RALYL: variants seen among roughly 807,000 people sequenced by gnomAD.
RALYL encodes RNA-binding Raly-like protein.
Under a neutral mutation model 35.1 loss-of-function variants are expected in RALYL, and 29 were observed. That is an observed-to-expected ratio of 0.83 (90% CI 0.61 to 1.13). RALYL has a LOEUF of 1.13. Ranked by LOEUF, RALYL falls within the 50% of genes most tolerant of loss-of-function variation. The pLI is 0.00. For missense variants in RALYL, 359 were observed against 360.4 expected (o/e 1.00, Z 0.03); for synonymous variants, 120 against 127.6 (o/e 0.94, Z 0.40).
At chr8:84,318,606 T>G (rs1232736012) in intron 1 of RALYL, among the ~76,000 whole-genome samples, 2 of 152,202 alleles carry the variant, frequency 1.3e-5, no homozygotes, top group Non-Finnish European at 2.9e-5. Flanking sequence ...TTTTTCCTTC[T>G]TGTTATTGGC....
At chr8:84,892,939 G>A (rs1451648466) in intron 8 of RALYL, among the ~76,000 whole-genome samples, 11 of 152,056 alleles carry the variant, frequency 7.2e-5, no homozygotes, top group Admixed American at 5.2e-4. Flanking sequence ...TACTATAGTC[G>A]TGTTTCTGAA....
intron 7 of RALYL, among the ~76,000 whole-genome samples, chr8:84,879,287 G>A (rs573050010): frequency 3.9e-5 from 6 of 152,140 alleles, no homozygotes; most frequent in African/African-American, 7.2e-5. Flanking sequence ...GCATAAGTAC[G>A]TAAAGAGAAG....
intron 2 of RALYL, among the ~76,000 whole-genome samples, chr8:84,640,397 T>A (rs972288938): frequency 6.6e-6 from 1 of 152,046 alleles, no homozygotes; most frequent in Non-Finnish European, 1.5e-5. Context: ...GAAGCCCATT[T>A]ACATAACCTG....
intron 1 of RALYL, among the ~76,000 whole-genome samples, chr8:84,338,867 T>C (rs1425311068): frequency 6.6e-6 from 1 of 152,134 alleles, no homozygotes; most frequent in African/African-American, 2.4e-5. Context: ...CCAAAAGAGT[T>C]TTATTTTGAT....
chr8:84,609,941 T>C (rs1817932042), intron 2 of RALYL, among the ~76,000 whole-genome samples: 1 of 152,024 alleles, frequency 6.6e-6, no homozygotes, highest in Non-Finnish European at 1.5e-5. Context: ...GCAGGGGAAC[T>C]CCTCTTTATA....
rs569347261 is a variant in RALYL, at chr8:84,546,140, A to AT, written c.256+16572dup. On this transcript the variant is annotated intron_variant, in intron 2 of 8. Coordinates refer to ENST00000521268, the MANE Select transcript of RALYL (RefSeq NM_173848.7). ...AAAGAGAGAAGAGAAAAAGATATATATTTTTTTTTGACAAGGTCTCTGTTG... is the reference window on the plus strand; with the variant it reads ...AAAGAGAGAAGAGAAAAAGATATATATTTTTTTTTTGACAAGGTCTCTGTTG... Among the ~76,000 whole-genome samples, 629 of 151,118 alleles carry AT rather than the reference A, an allele frequency of 4.2e-3. 2 individuals carry two copies. The highest frequency in any genetic ancestry group is 6.5e-3 in the Non-Finnish European group (438 of 67,648).
intron 2 of RALYL, among the ~76,000 whole-genome samples, chr8:84,560,954 C>T (rs2061433563): frequency 2.0e-5 from 3 of 152,034 alleles, no homozygotes; most frequent in African/African-American, 7.2e-5. Context: ...GATTGTGCAG[C>T]AAAGGAATCA....
At chr8:84,467,695 C>T (rs1359095940) in intron 1 of RALYL, among the ~76,000 whole-genome samples, 2 of 151,652 alleles carry the variant, frequency 1.3e-5, no homozygotes, top group African/African-American at 2.4e-5. Context: ...TCCTGGGTAT[C>T]CTTGTTGACT....
chr8:84,653,359 A>G (rs1339392687), intron 2 of RALYL, among the ~76,000 whole-genome samples: 1 of 152,058 alleles, frequency 6.6e-6, no homozygotes, highest in Non-Finnish European at 1.5e-5. Context: ...TACATGGCCC[A>G]TAGAGCTACA....
intron 1 of RALYL, among the ~76,000 whole-genome samples, chr8:84,359,685 G>A (rs1034294030): frequency 2.0e-5 from 3 of 151,866 alleles, no homozygotes; most frequent in Admixed American, 6.6e-5. Context: ...ATTAACTCCT[G>A]CAGTAACAAG....
chr8:84,204,468 T>C (rs1472942339), intron 1 of RALYL, among the ~76,000 whole-genome samples: 1 of 152,214 alleles, frequency 6.6e-6, no homozygotes, highest in Non-Finnish European at 1.5e-5. Flanking sequence ...ACTTGCATCA[T>C]AACTGTGCAT....
At position 84,436,669 on chromosome 8, in the gene RALYL, T is replaced by A. The variant is rs1287633925; in HGVS notation, c.-23-92630T>A. Among the ~76,000 whole-genome samples, 3 of 150,066 alleles carry A rather than the reference T, an allele frequency of 2.0e-5. No individual in the cohort carries two copies. In the Admixed American group the frequency reaches 2.0e-4, roughly 10 times the overall value. The stretch of plus-strand genomic sequence containing the variant: ...TTTCTAAAACAGCTTTATTGGGGTA[T>A]AATTGATATAAAAACAGCATACATA... On this transcript the variant is annotated intron_variant, in intron 1 of 8. Transcript: ENST00000521268.
chr8:84,199,694 A>G (rs1816356610), intron 1 of RALYL, among the ~76,000 whole-genome samples: 1 of 152,128 alleles, frequency 6.6e-6, no homozygotes, highest in Non-Finnish European at 1.5e-5. Flanking sequence ...ATGGTTGTCT[A>G]GTTTCATTCT....
At chr8:84,679,276 T>C (rs980224011) in intron 2 of RALYL, 7 of 219,722 alleles carry the variant, frequency 3.2e-5, no homozygotes, top group Admixed American at 3.0e-4. Flanking sequence ...ACAATTACCA[T>C]GATGCCAGTG....
chr8:84,406,628 G>A (rs77904846), intron 1 of RALYL, among the ~76,000 whole-genome samples: 24 of 151,804 alleles, frequency 1.6e-4, no homozygotes, highest in South Asian at 4.2e-4. Context: ...ACAAACATAC[G>A]CATACAACCT....
chr8:84,575,217 T>G (rs1809048452), intron 2 of RALYL, among the ~76,000 whole-genome samples: 3 of 152,260 alleles, frequency 2.0e-5, no homozygotes, highest in Middle Eastern at 3.4e-3. Flanking sequence ...AAGCCAGACC[T>G]AAACATGTGT....
chr8:84,422,147 G>C, intron 1 of RALYL, among the ~76,000 whole-genome samples: 1 of 142,094 alleles, frequency 7.0e-6, no homozygotes, highest in Non-Finnish European at 1.5e-5. Flanking sequence ...TTGTACCTCT[G>C]GTAGAATTCG....
intron 2 of RALYL, among the ~76,000 whole-genome samples, chr8:84,677,656 A>G (rs1286928935): frequency 6.6e-6 from 1 of 152,236 alleles, no homozygotes; most frequent in Non-Finnish European, 1.5e-5. Context: ...TAAAACCAGC[A>G]GTATTTATTG....
At chr8:84,878,530 T>C (rs1349701107) in intron 7 of RALYL, among the ~76,000 whole-genome samples, 1 of 140,038 alleles carries the variant, frequency 7.1e-6, no homozygotes, top group Non-Finnish European at 1.5e-5. Flanking sequence ...TCAAAGAACA[T>C]AGTTAATAAG....
Sources: gnomAD v4.1 joint callset for allele counts (sites outside exome capture counted in the v4.1 genomes callset) on GRCh38, gnomAD v4.1.1 for gene constraint, MANE v1.5 for transcripts, NCBI Gene and HGNC (gene_info 2026-07-23, HGNC 2026-07-21) for gene names.